Variants in RBX1 observed in about 807,000 individuals in gnomAD.
The protein encoded by RBX1 is E3 ubiquitin-protein ligase RBX1.
For synonymous variants in RBX1, 48 were observed against 47.9 expected (o/e 1.00, Z -0.01); for missense variants, 46 against 141.4 (o/e 0.33, Z 3.42).
chr22:40,959,068 G>A (rs377204744), intron 2 of RBX1, among the ~76,000 whole-genome samples: 39 of 152,222 alleles, frequency 2.6e-4, no homozygotes, highest in African/African-American at 6.0e-4. Flanking sequence ...CACCCGGCTC[G>A]GCCTCCCAAA....
chr22:40,972,293 G>A (rs141084494), intron 4 of RBX1, among the ~76,000 whole-genome samples, 183 bp from the exon 5 acceptor site: 231 of 152,320 alleles, frequency 1.5e-3, no homozygotes, highest in Non-Finnish European at 2.4e-3. Context: ...AGTCCTGTAA[G>A]ATGGGGAGGG....
At chr22:40,954,627 T>C (rs1481267680) in intron 2 of RBX1, among the ~76,000 whole-genome samples, 1 of 152,152 alleles carries the variant, frequency 6.6e-6, no homozygotes, top group African/African-American at 2.4e-5. Flanking sequence ...GGAAAGAAAC[T>C]TTAAGTTTCT....
At chr22:40,951,703 A>G (rs1326579024) in intron 1 of RBX1, among the ~76,000 whole-genome samples, 11 of 151,502 alleles carry the variant, frequency 7.3e-5, no homozygotes, top group Non-Finnish European at 1.2e-4. Flanking sequence ...GGCCAATCAC[A>G]GAGCTGCTTA....
intron 4 of RBX1, among the ~76,000 whole-genome samples, chr22:40,968,594 T>C (rs1391242568): frequency 6.6e-6 from 1 of 152,190 alleles, no homozygotes; most frequent in African/African-American, 2.4e-5. Flanking sequence ...GCTATCCTGA[T>C]TAGATTTTAT....
intron 4 of RBX1, among the ~76,000 whole-genome samples, chr22:40,971,431 T>A (rs2058368805): frequency 6.6e-6 from 1 of 152,186 alleles, no homozygotes; most frequent in South Asian, 2.1e-4. Context: ...TCTATCCAAA[T>A]AACAAATTAT....
intron 2 of RBX1, among the ~76,000 whole-genome samples, chr22:40,961,071 C>T (rs748178401): frequency 3.5e-4 from 51 of 144,826 alleles, no homozygotes; most frequent in East Asian, 1.2e-3. Flanking sequence ...GCCGAGCCAC[C>T]GTGCCTGGCC....
intron 3 of RBX1, chr22:40,967,346 TG>T (rs1366320007): frequency 6.4e-6 from 1 of 155,554 alleles, no homozygotes; most frequent in Non-Finnish European, 1.4e-5. Flanking sequence ...TACCAAGGGC[TG>T]GGGAGAAGGC....
chr22:40,967,970 C>T (rs1238275598), intron 4 of RBX1, 86 bp downstream of exon 4: 2 of 835,844 alleles, frequency 2.4e-6, no homozygotes, highest in East Asian at 2.6e-5. Context: ...AGACATGATA[C>T]ATGCCTTGTT....
chr22:40,956,685 G>C (rs1456919482), intron 2 of RBX1, among the ~76,000 whole-genome samples: 1 of 149,878 alleles, frequency 6.7e-6, no homozygotes, highest in Non-Finnish European at 1.5e-5. Flanking sequence ...GCCTCCCAAA[G>C]TGCCGGGATT....
Position 40,967,784 on chromosome 22 carries a change from T to C in RBX1, c.229-15T>C, listed in dbSNP as rs1028421727. On this transcript the variant is annotated splice_polypyrimidine_tract_variant and intron_variant, in intron 3 of 4. Transcript: ENST00000216225. ...GCATAGAGTTATTTTTAATAAAATATATGTTTTCTTTCAGCATGCTTTTCA... is the reference window on the plus strand; with the variant it reads ...GCATAGAGTTATTTTTAATAAAATACATGTTTTCTTTCAGCATGCTTTTCA... 7 of 1,609,080 alleles carry C rather than the reference T, an allele frequency of 4.4e-6. No individual in the cohort carries two copies. Among genetic ancestry groups the C allele is most frequent in the African/African-American group, 2.7e-5 (2 of 74,792 alleles).
At chr22:40,965,237 A>G (rs980502733) in intron 3 of RBX1, among the ~76,000 whole-genome samples, 6 of 151,402 alleles carry the variant, frequency 4.0e-5, no homozygotes, top group Admixed American at 4.0e-4. Context: ...TGGGAGGTGG[A>G]GCTTGTAGTG....
rs184501883 is a variant in RBX1, at chr22:40,969,600, T to C, written c.314+1716T>C. ...CCCATCTCTACCAAAAAATAGTAAA[T>C]TAGGCCATGCCTGATGGCTCATGCC... On this transcript the variant is annotated intron_variant, in intron 4 of 4. Transcript: ENST00000216225. Among the ~76,000 whole-genome samples the C allele has an allele frequency of 4.0e-5, 6 of 151,770 alleles. No individual in the cohort carries two copies. In the East Asian group the frequency reaches 1.2e-3, roughly 30 times the overall value.
At chr22:40,960,403 G>C (rs2058336676) in intron 2 of RBX1, among the ~76,000 whole-genome samples, 2 of 152,074 alleles carry the variant, frequency 1.3e-5, no homozygotes, top group African/African-American at 2.4e-5. Context: ...CTTGAAGGGT[G>C]GGGAGGACTT....
At chr22:40,961,210 C>T (rs1239060119) in intron 2 of RBX1, among the ~76,000 whole-genome samples, 2 of 150,858 alleles carry the variant, frequency 1.3e-5, no homozygotes, top group Non-Finnish European at 2.9e-5. Flanking sequence ...GCCTCAGCCT[C>T]CTTAGTAGCT....
At chr22:40,972,209 C>A (rs936190837) in intron 4 of RBX1, among the ~76,000 whole-genome samples, 1 of 152,158 alleles carries the variant, frequency 6.6e-6, no homozygotes, top group African/African-American at 2.4e-5. Flanking sequence ...CACCAGGCAG[C>A]TACTGGCACC....
chr22:40,951,923 T>G (rs1247474303), intron 1 of RBX1, among the ~76,000 whole-genome samples: 2 of 151,958 alleles, frequency 1.3e-5, no homozygotes, highest in East Asian at 1.9e-4. Flanking sequence ...AGGACCCCCC[T>G]TGGTGATCTT....
At position 40,952,571 on chromosome 22, in the gene RBX1, G is replaced by A. The variant is rs538936597; in HGVS notation, c.79-984G>A. Among the ~76,000 whole-genome samples, 3 of 151,812 alleles carry A rather than the reference G, an allele frequency of 2.0e-5. No individual in the cohort carries two copies. In the East Asian group the frequency reaches 5.8e-4, roughly 29 times the overall value. On this transcript the variant is annotated intron_variant, in intron 1 of 4. Coordinates refer to ENST00000216225, the MANE Select transcript of RBX1 (RefSeq NM_014248.4). ...GGCACTGAGAATGGGGTTTGAAAGC[G>A]AAGAAGGTTTGGGAGTATTTGTAAT... is the stretch of plus-strand genomic sequence containing the variant.
At chr22:40,970,894 C>T (rs531148021) in intron 4 of RBX1, among the ~76,000 whole-genome samples, 1 of 152,294 alleles carries the variant, frequency 6.6e-6, no homozygotes, top group Admixed American at 6.5e-5. Flanking sequence ...CTGCCAAATA[C>T]TCAGTATCTG....
chr22:40,972,147 G>C (rs2058370746), intron 4 of RBX1, among the ~76,000 whole-genome samples: 1 of 152,152 alleles, frequency 6.6e-6, no homozygotes, highest in Admixed American at 6.6e-5. Flanking sequence ...GTGAGCAGGC[G>C]GAGCTCCCTT....
Sources: allele counts gnomAD v4.1 joint callset (sites outside exome capture counted in the v4.1 genomes callset), GRCh38; gene constraint gnomAD v4.1.1; transcripts MANE v1.5; gene names NCBI Gene and HGNC (gene_info 2026-07-23, HGNC 2026-07-21).